The following TMEM65 variants were observed in gnomAD, a reference collection of about 807,000 sequenced individuals.
TMEM65 encodes transmembrane protein 65.
A neutral mutation model predicts 25.4 loss-of-function variants in TMEM65; 22 were observed. The ratio of observed to expected loss-of-function variants is 0.86; its 90% confidence interval spans 0.62 to 1.23. The LOEUF is 1.23. Ranked by LOEUF, TMEM65 falls within the 50% of genes most tolerant of loss-of-function variation. The pLI is 0.00. For synonymous variants in TMEM65, 132 were observed against 126.2 expected (o/e 1.05, Z -0.31); for missense variants, 262 against 308.2 (o/e 0.85, Z 1.12).
At chr8:124,318,224 T>C (rs951175082) in intron 6 of TMEM65, among the ~76,000 whole-genome samples, 4 of 152,016 alleles carry the variant, frequency 2.6e-5, no homozygotes, top group African/African-American at 9.7e-5. Context: ...TCATCACCAA[T>C]TGAGCTTCTA....
chr8:124,364,795 A>G (rs1387817097), intron 1 of TMEM65, among the ~76,000 whole-genome samples: 1 of 152,220 alleles, frequency 6.6e-6, no homozygotes, highest in Non-Finnish European at 1.5e-5. Context: ...TAAAGCAGAC[A>G]TAAACCTGTG....
intron 1 of TMEM65, among the ~76,000 whole-genome samples, chr8:124,332,614 A>C (rs1814445824): frequency 6.6e-6 from 1 of 152,172 alleles, no homozygotes; most frequent in South Asian, 2.1e-4. Context: ...ACAAATGTTA[A>C]GAGAAAGAAA....
chr8:124,331,337 ATT>A lies in TMEM65; in HGVS notation c.305-547_305-546del, dbSNP rs377089064. On this transcript the variant is annotated intron_variant, in intron 1 of 6. Transcript: ENST00000297632. ...TTAATCTCTGTTGATATAACTGAAT[ATT>A]TTAACTTTTATAATATATTAATAGT... 4.7e-4 allele frequency among the ~76,000 whole-genome samples: 70 copies of A among 147,944 alleles called. No individual in the cohort carries two copies. In the East Asian group the frequency reaches 0.012, roughly 26 times the overall value.
intron 1 of TMEM65, among the ~76,000 whole-genome samples, chr8:124,358,087 C>G (rs939840820): frequency 7.9e-5 from 12 of 152,090 alleles, no homozygotes; most frequent in Non-Finnish European, 2.9e-5. Context: ...ACCTTGGCCT[C>G]CCAAAATGCT....
chr8:124,316,510 G>T (rs909048992), intron 6 of TMEM65, among the ~76,000 whole-genome samples: 1 of 152,080 alleles, frequency 6.6e-6, no homozygotes, highest in East Asian at 1.9e-4. Context: ...CAGAGTAGAA[G>T]ATTTGATTCT....
At chr8:124,366,694 C>T (rs1409019287) in intron 1 of TMEM65, among the ~76,000 whole-genome samples, 3 of 150,088 alleles carry the variant, frequency 2.0e-5, no homozygotes, top group Non-Finnish European at 4.4e-5. Context: ...TGTTAAACAG[C>T]ATATATGCCT....
At chr8:124,357,415 A>T (rs1039698784) in intron 1 of TMEM65, among the ~76,000 whole-genome samples, 52 of 152,350 alleles carry the variant, frequency 3.4e-4, no homozygotes, top group African/African-American at 1.2e-3. Context: ...TTAGGAATTC[A>T]TTTTGAAAAC....
rs1814124675 is a variant in TMEM65 at position 124,308,863 on chromosome 8, ACC to A, written c.*5095_*5096del. Reference sequence around the variant, plus strand: ...AGCAAATGGTGGAAGAAGGATTAATACCATATATAGAAATATTTTGAGAAATG... The same window carrying A: ...AGCAAATGGTGGAAGAAGGATTAATAATATATAGAAATATTTTGAGAAATG... On this transcript the variant is annotated 3_prime_UTR_variant, in exon 7 of 7. Coordinates refer to ENST00000297632, the MANE Select transcript of TMEM65 (RefSeq NM_194291.3). The A allele has an allele frequency of 1.3e-5, 2 of 152,238 alleles. No individual in the cohort carries two copies. The highest frequency in any genetic ancestry group is 6.5e-5 in the Admixed American group (1 of 15,276). The allele number at this position is 152,238 out of a possible 1,614,324, so 9.4% of individuals were successfully genotyped here.
Position 124,313,030 on chromosome 8 carries a change from C to T in TMEM65, c.*930G>A, listed in dbSNP as rs1381839842. On this transcript the variant is annotated 3_prime_UTR_variant, in exon 7 of 7. Coordinates refer to ENST00000297632, the MANE Select transcript of TMEM65 (RefSeq NM_194291.3). ...AATTGTATCTCATTAATCTTTCAAA[C>T]ATCACTTCAACTTCATCATTTATAC... 1.3e-5 allele frequency: 2 copies of T among 151,176 alleles called. No individual in the cohort carries two copies. The highest frequency in any genetic ancestry group is 3.0e-5 in the Non-Finnish European group (2 of 67,724). 9.4% of individuals were successfully genotyped at this position (151,176 alleles called of 1,614,324 possible).
chr8:124,334,803 A>T (rs1003922938), intron 1 of TMEM65, among the ~76,000 whole-genome samples: 2 of 150,900 alleles, frequency 1.3e-5, no homozygotes, highest in African/African-American at 4.9e-5. Context: ...TAAAAATTAA[A>T]AAAAAATTAA....
intron 2 of TMEM65, among the ~76,000 whole-genome samples, chr8:124,330,036 A>AT (rs2131203481): frequency 6.6e-6 from 1 of 152,076 alleles, no homozygotes; most frequent in South Asian, 2.1e-4. Context: ...GCTCTCTAGT[A>AT]TATAATGATC....
rs139327090 is a variant in TMEM65 at position 124,323,940 on chromosome 8, C to T, written c.418-565G>A. Among the ~76,000 whole-genome samples, 319 of 152,204 alleles carry T rather than the reference C, an allele frequency of 2.1e-3. 3 individuals are homozygous for T. The highest frequency in any genetic ancestry group is 7.2e-3 in the African/African-American group (298 of 41,552). On this transcript the variant is annotated intron_variant, in intron 3 of 6. Coordinates refer to ENST00000297632, the MANE Select transcript of TMEM65 (RefSeq NM_194291.3). ...CACTCAAAACAAAGCCCCATCGTAT[C>T]GCCACTGAATTTAATGACAGAGTTT...
intron 1 of TMEM65, among the ~76,000 whole-genome samples, chr8:124,335,833 G>C (rs1420735996): frequency 6.6e-6 from 1 of 151,968 alleles, no homozygotes; most frequent in East Asian, 1.9e-4. Flanking sequence ...ACAAAAAACA[G>C]AGGGTCAAAC....
intron 1 of TMEM65, among the ~76,000 whole-genome samples, chr8:124,336,062 G>A (rs1814502945): frequency 6.6e-6 from 1 of 151,930 alleles, no homozygotes; most frequent in Non-Finnish European, 1.5e-5. Flanking sequence ...TATAAAGGCT[G>A]GAGCTTTATT....
chr8:124,343,586 A>G (rs1814607733), intron 1 of TMEM65, among the ~76,000 whole-genome samples: 1 of 152,100 alleles, frequency 6.6e-6, no homozygotes, highest in Non-Finnish European at 1.5e-5. Context: ...TCTTAACTCA[A>G]GAGGGCCTCT....
chr8:124,339,623 C>T (rs1319378712), intron 1 of TMEM65, among the ~76,000 whole-genome samples: 2 of 152,008 alleles, frequency 1.3e-5, no homozygotes, highest in African/African-American at 4.8e-5. Flanking sequence ...CAATTGTGCA[C>T]ATTGATCCCT....
chr8:124,365,999 T>C (rs756170866), intron 1 of TMEM65, among the ~76,000 whole-genome samples: 6 of 152,126 alleles, frequency 3.9e-5, no homozygotes, highest in Non-Finnish European at 8.8e-5. Flanking sequence ...GGCAGGAGGA[T>C]TGCTTGAGGT....
chr8:124,369,412 GGAT>G (rs1296398728), intron 1 of TMEM65, among the ~76,000 whole-genome samples: 10 of 152,228 alleles, frequency 6.6e-5, no homozygotes, highest in African/African-American at 2.2e-4. Flanking sequence ...ATCAAAGCAT[GGAT>G]GATATTTTTT....
intron 6 of TMEM65, among the ~76,000 whole-genome samples, chr8:124,317,392 C>A (rs1365875464): frequency 6.6e-6 from 1 of 152,082 alleles, no homozygotes; most frequent in East Asian, 1.9e-4. Context: ...TATTTGATTT[C>A]TTTATATCAA....
Sources: allele counts gnomAD v4.1 joint callset (sites outside exome capture counted in the v4.1 genomes callset), GRCh38; gene constraint gnomAD v4.1.1; transcripts MANE v1.5; gene names NCBI Gene and HGNC (gene_info 2026-07-23, HGNC 2026-07-21).